Variants in OR9Q1 observed in about 807,000 individuals in gnomAD.
The protein encoded by OR9Q1 is olfactory receptor 9Q1.
For missense variants in OR9Q1, 374 were observed against 378.8 expected (o/e 0.99, Z 0.11); for synonymous variants, 153 against 148.6 (o/e 1.03, Z -0.22).
At chr11:58,112,935 T>A (rs1167413290) in intron 2 of OR9Q1, among the ~76,000 whole-genome samples, 2 of 152,114 alleles carry the variant, frequency 1.3e-5, no homozygotes, top group African/African-American at 4.8e-5. Flanking sequence ...CAACACTTGT[T>A]GAAAATACCC....
At chr11:58,159,484 T>C (rs923836444) in intron 2 of OR9Q1, among the ~76,000 whole-genome samples, 5 of 151,634 alleles carry the variant, frequency 3.3e-5, no homozygotes, top group Non-Finnish European at 5.9e-5. Context: ...AGATTGATGG[T>C]AGCTTGGAGG....
chr11:58,046,013 G>A (rs1853213230), intron 1 of OR9Q1, among the ~76,000 whole-genome samples: 1 of 152,116 alleles, frequency 6.6e-6, no homozygotes. Flanking sequence ...TCCCATGAGA[G>A]GCAAAATCAC....
At chr11:58,115,617 A>G (rs1853946022) in intron 2 of OR9Q1, among the ~76,000 whole-genome samples, 1 of 152,178 alleles carries the variant, frequency 6.6e-6, no homozygotes, top group Non-Finnish European at 1.5e-5. Flanking sequence ...ACTTCCCTTG[A>G]ATCCCACTAT....
intron 1 of OR9Q1, among the ~76,000 whole-genome samples, chr11:58,033,559 C>G (rs575845649): frequency 6.6e-6 from 1 of 152,098 alleles, no homozygotes; most frequent in South Asian, 2.1e-4. Context: ...ATCTTGGGTA[C>G]ACATGAACAT....
chr11:58,157,329 T>C (rs560337996), intron 2 of OR9Q1, among the ~76,000 whole-genome samples: 1 of 152,300 alleles, frequency 6.6e-6, no homozygotes, highest in Non-Finnish European at 1.5e-5. Context: ...AACCTCTTAT[T>C]ATTGCTCGTA....
chr11:58,141,048 A>C (rs1036551753), intron 2 of OR9Q1, among the ~76,000 whole-genome samples: 1 of 152,178 alleles, frequency 6.6e-6, no homozygotes, highest in Non-Finnish European at 1.5e-5. Flanking sequence ...TCTTTGAAGC[A>C]ATTGTGAATG....
intron 1 of OR9Q1, among the ~76,000 whole-genome samples, chr11:58,046,744 T>A (rs1285428545): frequency 6.6e-6 from 1 of 151,994 alleles, no homozygotes; most frequent in African/African-American, 2.4e-5. Flanking sequence ...GTGCATGTAA[T>A]CCCAGCTACT....
chr11:58,053,505 G>A (rs1434439642), intron 1 of OR9Q1, among the ~76,000 whole-genome samples: 1 of 143,588 alleles, frequency 7.0e-6, no homozygotes, highest in African/African-American at 2.5e-5. Context: ...GCTAAATGAC[G>A]AGTTAATGGG....
At chr11:58,146,825 GA>G (rs1854303484) in intron 2 of OR9Q1, among the ~76,000 whole-genome samples, 1 of 152,204 alleles carries the variant, frequency 6.6e-6, no homozygotes, top group Non-Finnish European at 1.5e-5. Context: ...ATGCCTTGAG[GA>G]ACTGGGATTG....
At chr11:58,176,236 G>T (rs746045583) in intron 2 of OR9Q1, among the ~76,000 whole-genome samples, 3 of 145,750 alleles carry the variant, frequency 2.1e-5, no homozygotes, top group African/African-American at 5.6e-5. Context: ...AGAAATTAAA[G>T]TTAGATACAT....
At chr11:58,034,735 T>TTTCCTTCCTTCCTTCC (rs71454309) in intron 1 of OR9Q1, among the ~76,000 whole-genome samples, 16,332 of 111,266 alleles carry the variant, frequency 0.15, 2,186 homozygotes, top group South Asian at 0.32. Flanking sequence ...GGTTTCTTTC[T>TTTCCTTCCTTCCTTCC]TTCCTTCCTT....
intron 2 of OR9Q1, among the ~76,000 whole-genome samples, chr11:58,104,719 A>G (rs2120094171): frequency 6.6e-6 from 1 of 152,288 alleles, no homozygotes; most frequent in Non-Finnish European, 1.5e-5. Flanking sequence ...AGTTTTAACC[A>G]ATGCACTGAA....
chr11:58,048,712 TA>T (rs1429664728), intron 1 of OR9Q1, among the ~76,000 whole-genome samples: 2 of 132,246 alleles, frequency 1.5e-5, no homozygotes, highest in East Asian at 2.4e-4. Context: ...GCAAGACTAA[TA>T]AAAAAAGAGA....
intron 1 of OR9Q1, among the ~76,000 whole-genome samples, chr11:58,047,835 G>A (rs1426760099): frequency 6.6e-6 from 1 of 152,182 alleles, no homozygotes; most frequent in Non-Finnish European, 1.5e-5. Context: ...GGTGAGCCAA[G>A]ATCTCACCAC....
intron 1 of OR9Q1, among the ~76,000 whole-genome samples, chr11:58,025,110 A>G (rs1474050513): frequency 2.0e-5 from 3 of 152,200 alleles, no homozygotes; most frequent in African/African-American, 7.2e-5. Context: ...TCATAGTACA[A>G]TATTGTGGGG....
rs570959925 is a variant in OR9Q1, at chr11:58,076,922, A to T, written c.-15+20975A>T. ...AGATCCCAAATCTTGAGTTATGCAA[A>T]TAAAATAATTGAAATCTTCCCCTTT... On this transcript the variant is annotated intron_variant, in intron 2 of 2. Coordinates refer to ENST00000335397, the MANE Select transcript of OR9Q1 (RefSeq NM_001005212.4). 2.0e-5 allele frequency among the ~76,000 whole-genome samples: 3 copies of T among 152,372 alleles called. No homozygotes were observed. The East Asian group carries it at 5.8e-4, about 29-fold the overall frequency.
At chr11:58,053,634 A>ATATATTATATATATATAAAT (rs1565062186) in intron 1 of OR9Q1, among the ~76,000 whole-genome samples, 1 of 144,676 alleles carries the variant, frequency 6.9e-6, no homozygotes. Context: ...TATAAAATAT[A>ATATATTATATATATATAAAT]TATATATATA....
rs1239400446 is a variant in OR9Q1 at position 58,053,483 on chromosome 11, G to C, written c.-92-2387G>C. On this transcript the variant is annotated intron_variant, in intron 1 of 2. Transcript: ENST00000335397. ...GGAGGGGGGAGGGATAGCATTAGGA[G>C]ATATACCTAATGCTAAATGACGAGT... Among the ~76,000 whole-genome samples, 4 of 142,748 alleles carry C rather than the reference G, an allele frequency of 2.8e-5. No individual in the cohort carries two copies. In the East Asian group the frequency reaches 8.5e-4, roughly 30 times the overall value. The allele number at this position is 142,748 out of a possible 152,430, so 93.6% of individuals were successfully genotyped here. A position where few individuals can be genotyped will look rare whatever the true frequency, so the allele number is the denominator to read the frequency against.
chr11:58,173,478 A>C (rs1854574486), intron 2 of OR9Q1, among the ~76,000 whole-genome samples: 1 of 151,380 alleles, frequency 6.6e-6, no homozygotes, highest in Non-Finnish European at 1.5e-5. Context: ...ATCATTTTTT[A>C]TGGCTGCATA....
Sources: allele counts gnomAD v4.1 joint callset (sites outside exome capture counted in the v4.1 genomes callset), GRCh38; gene constraint gnomAD v4.1.1; transcripts MANE v1.5; gene names NCBI Gene and HGNC (gene_info 2026-07-23, HGNC 2026-07-21).